DMXL1: variants seen among roughly 807,000 people sequenced by gnomAD.
DMXL1 encodes the protein Dmx like 1, also known as dmX-like protein 1.
DMXL1 carries 99 observed loss-of-function variants against 319.2 expected under a neutral mutation model. The ratio of observed to expected loss-of-function variants is 0.31; its 90% CI spans 0.26 to 0.37. DMXL1 has a LOEUF of 0.37. Among genes scored for constraint, DMXL1 ranks in the 10% least tolerant of loss-of-function variants. The probability of loss-of-function intolerance (pLI) is 1.00; values close to 1 mark genes in which losing one functional copy is unlikely to be tolerated. For synonymous variants in DMXL1, 1,385 were observed against 1,235.2 expected (o/e 1.12, Z -2.54); for missense variants, 3,745 against 3,595.6 (o/e 1.04, Z -1.06).
At position 119,178,162 on chromosome 5, in the gene DMXL1, A is replaced by C. The variant is rs749247602; in HGVS notation, c.7053A>C (p.Leu2351=). Residue 2351 remains leucine (L), a synonymous_variant, in exon 28 of 44, where the codon CTA becomes CTC. Coordinates refer to ENST00000539542, the MANE Select transcript of DMXL1 (RefSeq NM_001290321.3). ...NELFRIVAHP[L]NEKMWSAVFG... ...TATTTCGGATTGTGGCCCATCCTCT[A>C]AATGAGAAAATGTGGTCTGCTGTGT... is the stretch of plus-strand genomic sequence containing the variant. 24 of 1,613,808 alleles carry C rather than the reference A, an allele frequency of 1.5e-5. No homozygotes were observed. The highest frequency in any genetic ancestry group is 1.6e-4 in the Middle Eastern group (1 of 6,082).
intron 28 of DMXL1, chr5:119,178,620 C>G: frequency 1.0e-6 from 1 of 985,378 alleles, no homozygotes; most frequent in Non-Finnish European, 1.2e-6. Context: ...GTGGTATTCT[C>G]CATGGAATGT....
Position 119,118,889 on chromosome 5 carries a change from C to T in DMXL1, c.818C>T (p.Pro273Leu). 6.2e-7 allele frequency: 1 copy of T among 1,613,766 alleles called. No individual in the cohort carries two copies. The highest frequency in any genetic ancestry group is 1.1e-5 in the South Asian group (1 of 91,058). ...CGTCTTTGGGTAGAGACATTTTTAC[C>T]AAATGATTGTTTGCTATACGGAGGT... ...VCRLWVETFL[P>L]NDCLLYGGDC... The change falls in exon 8 of 44, where the codon CCA becomes CTA. Residue 273 changes from proline to leucine, a missense_variant. Physicochemically the swap from Pro to Leu is moderately conservative, Grantham distance 98. Around this residue, in one of 4 missense-constraint regions of DMXL1, gnomAD observed 2,096 missense variants for 1,985.4 expected, o/e 1.06. Transcript: ENST00000539542.
chr5:119,241,877 G>C (rs926919535), intron 42 of DMXL1, among the ~76,000 whole-genome samples: 26 of 152,258 alleles, frequency 1.7e-4, no homozygotes, highest in Admixed American at 3.3e-4. Context: ...CGCAACACTT[G>C]AGCTAACTGC....
chr5:119,233,475 A>G lies in DMXL1; in HGVS notation c.8466+8A>G, dbSNP rs371903131. The stretch of plus-strand genomic sequence containing the variant: ...AACTATCAGGGAAATAAGGTATTAT[A>G]TAAAAATGTAAATGGTAAAAAATTT... On this transcript the variant is annotated splice_region_variant and intron_variant, in intron 39 of 43. Transcript: ENST00000539542. 3.7e-6 allele frequency: 6 copies of G among 1,606,220 alleles called. No homozygotes were observed. The Admixed American group carries it at 1.0e-4, about 27-fold the overall frequency.
intron 19 of DMXL1, among the ~76,000 whole-genome samples, chr5:119,160,073 T>G (rs954372332): frequency 6.6e-6 from 1 of 152,164 alleles, no homozygotes; most frequent in Non-Finnish European, 1.5e-5. Context: ...TTCTGCTAAC[T>G]TTGGGCTGAG....
At chr5:119,211,654 G>A (rs893764900) in intron 34 of DMXL1, among the ~76,000 whole-genome samples, 3 of 152,098 alleles carry the variant, frequency 2.0e-5, no homozygotes, top group Admixed American at 2.0e-4. Context: ...TCACCTGATT[G>A]CTTCCTATTT....
In DMXL1 at chr5:119,147,373, G is replaced by C; in HGVS notation, c.2814G>C (p.Gln938His). The change falls in exon 17 of 44, where the codon CAG (glutamine) becomes CAC (histidine). Residue 938 changes from glutamine (Q) to histidine (H), a missense_variant. By Grantham distance (24) the Gln-to-His change is conservative (BLOSUM62 0). Coordinates refer to ENST00000539542, the MANE Select transcript of DMXL1 (RefSeq NM_001290321.3). ...ATCAGGCTTGCAGAGCAAATCTCCA[G>C]AGTACCAGCAGGTTGACTCTGTTTT... is the stretch of plus-strand genomic sequence containing the variant. ...QKYQACRANL[Q>H]STSRLTLFSE... 6.2e-7 allele frequency: 1 copy of C among 1,613,538 alleles called. No individual in the cohort carries two copies. The highest frequency in any genetic ancestry group is 1.1e-5 in the South Asian group (1 of 91,070).
intron 1 of DMXL1, among the ~76,000 whole-genome samples, chr5:119,083,863 A>G (rs1453965467): frequency 3.9e-5 from 6 of 152,082 alleles, no homozygotes; most frequent in Non-Finnish European, 1.5e-5. Context: ...GAGAACCTGC[A>G]TACAGTTATC....
chr5:119,168,264 C>T (rs1339245223), intron 23 of DMXL1, among the ~76,000 whole-genome samples: 2 of 152,152 alleles, frequency 1.3e-5, no homozygotes, highest in Non-Finnish European at 2.9e-5. Flanking sequence ...ATAAGAAAAT[C>T]TTTAGCTAGA....
chr5:119,074,735 T>A lies in DMXL1; in HGVS notation c.87+3079T>A, dbSNP rs532031408. 2.7e-3 allele frequency among the ~76,000 whole-genome samples: 410 copies of A among 152,364 alleles called. 3 individuals carry two copies. Among genetic ancestry groups the A allele is most frequent in the Middle Eastern group, 0.017 (5 of 294 alleles). ...GTGCTTTCAGAGCACTTTCTTTGCATCTTTATTCTATCATTAACCAGTCTT... is the reference window on the plus strand; with the variant it reads ...GTGCTTTCAGAGCACTTTCTTTGCAACTTTATTCTATCATTAACCAGTCTT... On this transcript the variant is annotated intron_variant, in intron 1 of 43. Transcript: ENST00000539542.
chr5:119,098,486 C>T (rs113050572), intron 2 of DMXL1, among the ~76,000 whole-genome samples: 4,299 of 151,222 alleles, frequency 0.028, 192 homozygotes, highest in African/African-American at 0.098. Flanking sequence ...TAGTTATCTC[C>T]TTGTAACTTC....
chr5:119,132,802 A>G (rs1427772645), intron 10 of DMXL1: 1 of 537,442 alleles, frequency 1.9e-6, no homozygotes, highest in East Asian at 4.7e-5. Context: ...GGTAGGTGTT[A>G]TGGTAACAAA....
intron 35 of DMXL1, among the ~76,000 whole-genome samples, chr5:119,218,310 T>C (rs1784043733): frequency 6.6e-6 from 1 of 152,188 alleles, no homozygotes; most frequent in Admixed American, 6.5e-5. Context: ...TGTTTTCTTC[T>C]TGAGGGTTTA....
chr5:119,072,149 ATTTTC>A (rs753299580), intron 1 of DMXL1, among the ~76,000 whole-genome samples: 1 of 151,912 alleles, frequency 6.6e-6, no homozygotes, highest in Non-Finnish European at 1.5e-5. Context: ...TTTTTCATTT[ATTTTC>A]TTTTCTAATT....
At position 119,170,511 on chromosome 5, in the gene DMXL1, C is replaced by T. The variant is rs1287469824; in HGVS notation, c.5720C>T (p.Ser1907Phe). Residue 1907 changes from serine to phenylalanine, a missense_variant, in exon 24 of 44, where the codon TCT becomes TTT. Around this residue, in one of 4 missense-constraint regions of DMXL1, gnomAD observed 1,382 missense variants for 1,269.5 expected, o/e 1.09. Transcript: ENST00000539542. ...GATACTAGTAAAGACTGTTCTCCTT[C>T]TTCTCCATTAAAGTTGGATGCAAGG... ...FLDTSKDCSP[S>F]SPLKLDARED... 3 of 1,613,638 alleles carry T rather than the reference C, an allele frequency of 1.9e-6. No individual in the cohort carries two copies. Among genetic ancestry groups the T allele is most frequent in the Non-Finnish European group, 2.5e-6 (3 of 1,179,850 alleles).
In DMXL1 at chr5:119,171,825, A is replaced by C. The variant is rs1774630200; in HGVS notation, c.6537A>C (p.Ser2179=). The C allele has an allele frequency of 6.2e-7, 1 of 1,613,850 alleles. No individual in the cohort carries two copies. The highest frequency in any genetic ancestry group is 1.3e-5 in the African/African-American group (1 of 75,048). Residue 2179 remains serine (S), a synonymous_variant, in exon 25 of 44, where the codon TCA becomes TCC. Transcript: ENST00000539542. ...CTAGCCCTCTGTCAGAGCAAACCTC[A>C]GTGCCTCTCCTCTTTGCTTGTACAG... is the stretch of plus-strand genomic sequence containing the variant. ...LFSSPLSEQT[S]VPLLFACTAN...
At chr5:119,071,742 G>T in intron 1 of DMXL1, 86 bp downstream of exon 1, 1 of 1,297,698 alleles carries the variant, frequency 7.7e-7, no homozygotes, top group Non-Finnish European at 1.0e-6. Context: ...GACGGGCAGA[G>T]GCGCGAGGTC....
chr5:119,215,950 G>A (rs971000086), intron 34 of DMXL1, among the ~76,000 whole-genome samples: 1 of 151,738 alleles, frequency 6.6e-6, no homozygotes, highest in African/African-American at 2.4e-5. Context: ...ACAAAACTTA[G>A]CCCGGTGTGG....
At chr5:119,246,054 A>G (rs1227792334) in intron 43 of DMXL1, among the ~76,000 whole-genome samples, 1 of 152,296 alleles carries the variant, frequency 6.6e-6, no homozygotes, top group Non-Finnish European at 1.5e-5. Context: ...GTTTCGCTAA[A>G]CCTAAAATAC....
Sources: allele counts gnomAD v4.1 joint callset (sites outside exome capture counted in the v4.1 genomes callset), GRCh38; gene constraint gnomAD v4.1.1; regional missense constraint gnomAD v4.1.1; transcripts MANE v1.5; gene names NCBI Gene and HGNC (gene_info 2026-07-23, HGNC 2026-07-21).